Variants in CD160 observed in about 807,000 individuals in gnomAD.
The protein encoded by CD160 is CD160 antigen.
CD160 carries 11 observed loss-of-function variants against 19.2 expected under a neutral mutation model. The observed-to-expected ratio is 0.57, with a 90% CI of 0.36 to 0.95. The LOEUF is 0.95. CD160 is among the 40% of genes least tolerant of loss of function. The pLI is 0.01. For missense variants in CD160, 182 were observed against 213.2 expected (o/e 0.85, Z 0.91); for synonymous variants, 75 against 81.1 (o/e 0.93, Z 0.40).
intron 5 of CD160, chr1:145,737,274 A>T: frequency 6.6e-6 from 1 of 151,152 alleles, no homozygotes; most frequent in African/African-American, 2.4e-5. Flanking sequence ...AAAAAAAAAG[A>T]GTTAATTGTT....
intron 1 of CD160, among the ~76,000 whole-genome samples, chr1:145,723,718 G>A (rs587594415): frequency 6.6e-6 from 1 of 152,144 alleles, no homozygotes; most frequent in Non-Finnish European, 1.5e-5. Flanking sequence ...TGAGTAGGTG[G>A]GATCACAGGC....
At chr1:145,734,102 G>A (rs587663618) in intron 4 of CD160, among the ~76,000 whole-genome samples, 11 of 152,130 alleles carry the variant, frequency 7.2e-5, no homozygotes, top group East Asian at 1.9e-4. Flanking sequence ...CTGTTCTTCC[G>A]CACAGCAGTA....
intron 4 of CD160, among the ~76,000 whole-genome samples, chr1:145,732,258 T>C (rs1234383201): frequency 6.6e-6 from 1 of 152,194 alleles, no homozygotes; most frequent in African/African-American, 2.4e-5. Context: ...TATCATGAGA[T>C]GCAATGACTC....
At chr1:145,733,821 C>T (rs1017515265) in intron 4 of CD160, among the ~76,000 whole-genome samples, 7 of 152,092 alleles carry the variant, frequency 4.6e-5, no homozygotes, top group African/African-American at 1.4e-4. Flanking sequence ...TTTCTCTTTA[C>T]TCTCTCTCCC....
intron 1 of CD160, among the ~76,000 whole-genome samples, chr1:145,721,305 C>A (rs587608684): frequency 1.6e-4 from 25 of 152,294 alleles, no homozygotes; most frequent in Non-Finnish European, 3.1e-4. Flanking sequence ...GGGGGTCACT[C>A]GGCTTTGGCT....
chr1:145,732,954 A>C (rs1416505410), intron 4 of CD160, among the ~76,000 whole-genome samples: 1 of 152,180 alleles, frequency 6.6e-6, no homozygotes, highest in Non-Finnish European at 1.5e-5. Context: ...AAATTTTATC[A>C]CTAGGAAGCA....
At chr1:145,734,145 T>A (rs1657397850) in intron 4 of CD160, among the ~76,000 whole-genome samples, 1 of 152,184 alleles carries the variant, frequency 6.6e-6, no homozygotes, top group Admixed American at 6.5e-5. Context: ...ACTTTGTTAT[T>A]CCTTTCCTTC....
intron 3 of CD160, among the ~76,000 whole-genome samples, chr1:145,728,896 C>T (rs1193527657): frequency 6.6e-6 from 1 of 152,168 alleles, no homozygotes; most frequent in Middle Eastern, 3.2e-3. Context: ...TGGCAATCTG[C>T]GCCTCAACCT....
intron 1 of CD160, among the ~76,000 whole-genome samples, chr1:145,722,684 C>T (rs1364085960): frequency 6.6e-6 from 1 of 152,204 alleles, no homozygotes; most frequent in Non-Finnish European, 1.5e-5. Flanking sequence ...CTCCGCCTCT[C>T]GGGCTCACGC....
intron 1 of CD160, among the ~76,000 whole-genome samples, chr1:145,724,470 T>C (rs1388552930): frequency 2.0e-5 from 3 of 152,202 alleles, no homozygotes; most frequent in African/African-American, 7.2e-5. Flanking sequence ...CTAATATTAA[T>C]AGAAATTATC....
intron 3 of CD160, among the ~76,000 whole-genome samples, 200 bp from the exon 4 acceptor site, chr1:145,730,543 AC>A (rs1657246204): frequency 6.6e-6 from 1 of 152,202 alleles, no homozygotes; most frequent in African/African-American, 2.4e-5. Flanking sequence ...AGATGAATAA[AC>A]TACTGCCCAA....
At chr1:145,720,094 G>T (rs587658561) in intron 1 of CD160, among the ~76,000 whole-genome samples, 1 of 152,328 alleles carries the variant, frequency 6.6e-6, no homozygotes, top group Admixed American at 6.5e-5. Context: ...AACCACAATA[G>T]AATTTGCCAT....
At chr1:145,728,659 A>G (rs1657159709) in intron 3 of CD160, among the ~76,000 whole-genome samples, 1 of 151,842 alleles carries the variant, frequency 6.6e-6, no homozygotes, top group African/African-American at 2.4e-5. Flanking sequence ...TTATGCCGCC[A>G]CCGCCGGCTA....
intron 2 of CD160, 119 bp from the exon 3 acceptor site, chr1:145,728,137 A>T (rs1038428291): frequency 5.4e-6 from 3 of 555,980 alleles, no homozygotes; most frequent in Non-Finnish European, 9.7e-6. Context: ...CTGGACTCTC[A>T]TGCCCAAGCC....
chr1:145,735,969 CCT>C, intron 4 of CD160, 26 bp from the exon 5 acceptor site: 1 of 1,554,170 alleles, frequency 6.4e-7, no homozygotes, highest in Non-Finnish European at 8.8e-7. Context: ...GAAACCCTCC[CCT>C]GATCCATGAT....
intron 4 of CD160, among the ~76,000 whole-genome samples, chr1:145,733,381 T>C (rs587723860): frequency 2.0e-5 from 3 of 152,246 alleles, no homozygotes; most frequent in Non-Finnish European, 4.4e-5. Context: ...TCAGGTGATC[T>C]ATCCGCCTCA....
chr1:145,723,917 G>T (rs56807300), intron 1 of CD160, among the ~76,000 whole-genome samples: 1 of 152,122 alleles, frequency 6.6e-6, no homozygotes, highest in Admixed American at 6.5e-5. Flanking sequence ...AAAAAATGCT[G>T]CAGTGAATAT....
chr1:145,726,071 A>C (rs1486819737), intron 2 of CD160, among the ~76,000 whole-genome samples: 2 of 152,182 alleles, frequency 1.3e-5, no homozygotes, highest in Admixed American at 6.5e-5. Flanking sequence ...TAAAAGATAC[A>C]ACGAGTGGAA....
At chr1:145,733,123 C>CT (rs1202723568) in intron 4 of CD160, among the ~76,000 whole-genome samples, 23 of 149,974 alleles carry the variant, frequency 1.5e-4, no homozygotes, top group African/African-American at 2.4e-4. Context: ...AACTATCTTA[C>CT]TTTTTTTTTT....
Sources: gnomAD v4.1 joint callset for allele counts (sites outside exome capture counted in the v4.1 genomes callset) on GRCh38, gnomAD v4.1.1 for gene constraint, MANE v1.5 for transcripts, NCBI Gene and HGNC (gene_info 2026-07-23, HGNC 2026-07-21) for gene names.